Variants in TIAM2 observed in about 807,000 individuals in gnomAD.
TIAM2 encodes rho guanine nucleotide exchange factor TIAM2.
In TIAM2, 80 loss-of-function variants were observed where a neutral mutation model predicts 152.9. The ratio of observed to expected loss-of-function variants is 0.52; its 90% confidence interval spans 0.44 to 0.63. The LOEUF (loss-of-function observed/expected upper bound fraction) is 0.63. Among genes scored for constraint, TIAM2 ranks in the 30% least tolerant of loss-of-function variants. The pLI is 0.00. For missense variants in TIAM2, 1,965 were observed against 2,120.1 expected (o/e 0.93, Z 1.44); for synonymous variants, 804 against 838.0 (o/e 0.96, Z 0.70).
intron 1 of TIAM2, among the ~76,000 whole-genome samples, chr6:155,063,163 A>G (rs1437776887): frequency 6.6e-6 from 1 of 152,138 alleles, no homozygotes; most frequent in Non-Finnish European, 1.5e-5. Flanking sequence ...TTTAGTGGCA[A>G]GGCAACATGA....
At chr6:155,164,737 C>G in intron 8 of TIAM2, 137 bp downstream of exon 8, 1 of 1,067,810 alleles carries the variant, frequency 9.4e-7, no homozygotes, top group Non-Finnish European at 1.3e-6. Context: ...CACCCAGAGG[C>G]CAGGGGCCTG....
chr6:155,118,149 T>C (rs1332380243), intron 2 of TIAM2, among the ~76,000 whole-genome samples: 1 of 152,118 alleles, frequency 6.6e-6, no homozygotes, highest in Admixed American at 6.5e-5. Flanking sequence ...CAGGGGCCTG[T>C]CCAAGATTCC....
At chr6:155,113,282 C>T (rs541184970) in intron 2 of TIAM2, among the ~76,000 whole-genome samples, 4 of 152,144 alleles carry the variant, frequency 2.6e-5, no homozygotes, top group Admixed American at 2.6e-4. Flanking sequence ...GTGTCTCCTC[C>T]TTGCAAGTCT....
At chr6:155,134,772 C>G (rs1341625128) in intron 4 of TIAM2, among the ~76,000 whole-genome samples, 1 of 151,988 alleles carries the variant, frequency 6.6e-6, no homozygotes, top group East Asian at 1.9e-4. Flanking sequence ...GTGGCGTGAT[C>G]TCTACTCACT....
At chr6:155,083,160 G>T (rs1778105710) in intron 1 of TIAM2, among the ~76,000 whole-genome samples, 1 of 151,782 alleles carries the variant, frequency 6.6e-6, no homozygotes, top group South Asian at 2.1e-4. Context: ...CCAGCTCGGT[G>T]AACATGGCGA....
At chr6:155,032,993 A>T (rs1776853813) in intron 1 of TIAM2, among the ~76,000 whole-genome samples, 1 of 152,184 alleles carries the variant, frequency 6.6e-6, no homozygotes, top group South Asian at 2.1e-4. Context: ...CAGCTCATTG[A>T]AGTTTCCTTT....
intron 1 of TIAM2, among the ~76,000 whole-genome samples, chr6:155,064,853 A>C: frequency 2.0e-5 from 3 of 149,078 alleles, no homozygotes; most frequent in Admixed American, 6.7e-5. Context: ...TTTTCTCCCC[A>C]CTCCTTTTGT....
At chr6:155,068,283 C>T (rs1777750751) in intron 1 of TIAM2, among the ~76,000 whole-genome samples, 1 of 152,190 alleles carries the variant, frequency 6.6e-6, no homozygotes, top group South Asian at 2.1e-4. Flanking sequence ...ACTCTCTACC[C>T]ACCCTTTATG....
chr6:155,166,337 T>G (rs1332234572), intron 9 of TIAM2, among the ~76,000 whole-genome samples: 1 of 149,674 alleles, frequency 6.7e-6, no homozygotes, highest in Non-Finnish European at 1.5e-5. Flanking sequence ...TTTTTTTCTT[T>G]TTTTGAGATG....
At chr6:155,109,031 T>G (rs760829766) in intron 2 of TIAM2, among the ~76,000 whole-genome samples, 6 of 152,200 alleles carry the variant, frequency 3.9e-5, no homozygotes, top group Non-Finnish European at 7.3e-5. Context: ...TCGCCCAGGC[T>G]GGAGTGCAAT....
chr6:155,137,768 C>T (rs1269562679), intron 5 of TIAM2, among the ~76,000 whole-genome samples, 156 bp downstream of exon 5: 1 of 152,216 alleles, frequency 6.6e-6, no homozygotes, highest in Non-Finnish European at 1.5e-5. Context: ...TTTCTCACAC[C>T]CGTGAAATAG....
intron 19 of TIAM2, among the ~76,000 whole-genome samples, chr6:155,247,390 G>A (rs956950501): frequency 1.3e-5 from 2 of 151,952 alleles, no homozygotes; most frequent in African/African-American, 2.4e-5. Context: ...GTGCAGTGGC[G>A]CGATCTTGGC....
intron 1 of TIAM2, among the ~76,000 whole-genome samples, chr6:155,025,078 G>A (rs770452431): frequency 1.2e-3 from 189 of 152,066 alleles, no homozygotes; most frequent in Non-Finnish European, 1.2e-3. Flanking sequence ...CCAGGCTGGC[G>A]TACGGTGGCA....
chr6:155,213,775 T>C lies in TIAM2; in HGVS notation c.3168+2468T>C, dbSNP rs1333805706. 6.6e-6 allele frequency among the ~76,000 whole-genome samples: 1 copy of C among 152,198 alleles called. No homozygotes were observed. The highest frequency in any genetic ancestry group is 1.5e-5 in the Non-Finnish European group (1 of 68,016). ...AGTCCCCTCCTTGGCCTGCCTCCCA[T>C]GCTCATTGGTGCCCAAAGTACAGCA... On this transcript the variant is annotated intron_variant, in intron 15 of 26. Coordinates refer to ENST00000682666, the MANE Select transcript of TIAM2 (RefSeq NM_012454.4). This position sits in a 1 kb window ranked among gnomAD's most constrained non-coding sequence, Gnocchi z 4.2.
At chr6:155,254,182 C>A in intron 25 of TIAM2, 122 bp downstream of exon 25, 1 of 1,152,206 alleles carries the variant, frequency 8.7e-7, no homozygotes, top group Non-Finnish European at 1.2e-6. Flanking sequence ...CCCCACCCTC[C>A]GAAAAAGGCA....
chr6:155,254,771 C>G, intron 26 of TIAM2, 198 bp downstream of exon 26: 1 of 592,636 alleles, frequency 1.7e-6, no homozygotes, highest in East Asian at 2.9e-5. Flanking sequence ...ACCCCCAGTC[C>G]CTTGTCTTCC....
At chr6:155,080,593 C>A (rs1277908299) in intron 1 of TIAM2, among the ~76,000 whole-genome samples, 2 of 151,966 alleles carry the variant, frequency 1.3e-5, no homozygotes, top group African/African-American at 4.8e-5. Context: ...GTGTGCGCCA[C>A]CATGCCCAGC....
chr6:155,055,769 G>A (rs142734245), intron 1 of TIAM2, among the ~76,000 whole-genome samples: 82 of 152,216 alleles, frequency 5.4e-4, no homozygotes, highest in Non-Finnish European at 5.6e-4. Context: ...TAAGACCAGC[G>A]TGGGCAACAT....
chr6:155,200,932 TAAATAA>T (rs1410218105), intron 14 of TIAM2, among the ~76,000 whole-genome samples: 3 of 151,734 alleles, frequency 2.0e-5, no homozygotes, highest in Non-Finnish European at 4.4e-5. Flanking sequence ...AAACAATAAA[TAAATAA>T]AAATAAAAAA....
Sources: allele counts gnomAD v4.1 joint callset (sites outside exome capture counted in the v4.1 genomes callset), GRCh38; gene constraint gnomAD v4.1.1; non-coding constraint Gnocchi (gnomAD v3.1); transcripts MANE v1.5; gene names NCBI Gene and HGNC (gene_info 2026-07-23, HGNC 2026-07-21).